RUNX2: variants seen among roughly 807,000 people sequenced by gnomAD.
RUNX2 encodes runt-related transcription factor 2.
Under a neutral mutation model 51.7 loss-of-function variants are expected in RUNX2, and 10 were observed. The observed-to-expected ratio is 0.19, with a 90% CI of 0.12 to 0.33. The LOEUF (loss-of-function observed/expected upper bound fraction) is 0.33. Ranked by LOEUF, RUNX2 falls within the 10% of genes least tolerant of loss-of-function variation. The pLI, the probability that RUNX2 is intolerant of heterozygous loss-of-function variation, is 1.00. For missense variants in RUNX2, 562 were observed against 691.3 expected (o/e 0.81, Z 2.10); for synonymous variants, 276 against 273.6 (o/e 1.01, Z -0.09).
At chr6:45,430,808 G>A (rs1329833056) in intron 3 of RUNX2, among the ~76,000 whole-genome samples, 8 of 152,184 alleles carry the variant, frequency 5.3e-5, no homozygotes, top group Non-Finnish European at 1.0e-4. Context: ...AGGGCATCTG[G>A]AAGCTGAATG....
intron 7 of RUNX2, chr6:45,513,561 G>A (rs1426815482): frequency 2.0e-5 from 3 of 152,186 alleles, no homozygotes; most frequent in Non-Finnish European, 4.4e-5. Context: ...CAACTTGGGA[G>A]GAGGGAAGGC....
intron 5 of RUNX2, among the ~76,000 whole-genome samples, chr6:45,466,663 AGTAG>A (rs1415307406): frequency 5.3e-5 from 8 of 152,250 alleles, no homozygotes; most frequent in Non-Finnish European, 1.0e-4. Context: ...GTAGGATTCC[AGTAG>A]GAGTACGTAA....
In RUNX2 at chr6:45,546,895, C is replaced by G; in HGVS notation, c.1156C>G (p.Arg386Gly). Residue 386 changes from arginine to glycine, a missense_variant, in exon 9 of 9, where the codon CGC becomes GGC. Transcript: ENST00000647337. ...AAGCATTTCATCCCTCACTGAGAGC[C>G]GCTTCTCCAACCCACGAATGCACTA... ...FPSISSLTESRFSNPRMHYPA... is the reference protein window; with the variant it reads ...FPSISSLTESGFSNPRMHYPA... 2 of 1,614,002 alleles carry G rather than the reference C, an allele frequency of 1.2e-6. No homozygotes were observed. The highest frequency in any genetic ancestry group is 1.7e-6 in the Non-Finnish European group (2 of 1,180,006).
intron 2 of RUNX2, among the ~76,000 whole-genome samples, chr6:45,383,795 G>T (rs528121345): frequency 0.02 from 3,061 of 152,254 alleles, 59 homozygotes; most frequent in South Asian, 0.086. Flanking sequence ...AGGACCAAAA[G>T]TTATTTGGTG....
chr6:45,532,960 C>T (rs1801909431), intron 7 of RUNX2, among the ~76,000 whole-genome samples: 1 of 148,068 alleles, frequency 6.8e-6, no homozygotes, highest in Admixed American at 6.8e-5. Flanking sequence ...CTCTCAGACA[C>T]CTTAATACAT....
At chr6:45,524,839 G>C (rs1387790942) in intron 7 of RUNX2, among the ~76,000 whole-genome samples, 1 of 152,178 alleles carries the variant, frequency 6.6e-6, no homozygotes, top group African/African-American at 2.4e-5. Flanking sequence ...GAGGCTGGGC[G>C]CGGTGGCTCA....
chr6:45,351,228 C>T (rs1482180854), intron 2 of RUNX2, among the ~76,000 whole-genome samples: 2 of 152,046 alleles, frequency 1.3e-5, no homozygotes, highest in Non-Finnish European at 2.9e-5. Context: ...TTAGTGAAAA[C>T]ACTTCAAGTA....
chr6:45,411,454 T>C (rs1797949479), intron 2 of RUNX2, among the ~76,000 whole-genome samples: 1 of 152,174 alleles, frequency 6.6e-6, no homozygotes, highest in South Asian at 2.1e-4. Flanking sequence ...GCCATATCTC[T>C]GCCTAGAGGG....
intron 2 of RUNX2, among the ~76,000 whole-genome samples, chr6:45,412,857 GC>G (rs1157536328): frequency 6.6e-6 from 1 of 152,152 alleles, no homozygotes; most frequent in African/African-American, 2.4e-5. Context: ...TGATTCTCCT[GC>G]CTCAGCCTCC....
intron 5 of RUNX2, among the ~76,000 whole-genome samples, chr6:45,468,677 G>A (rs1799711976): frequency 1.3e-5 from 2 of 152,178 alleles, no homozygotes; most frequent in Non-Finnish European, 2.9e-5. Context: ...TCTAGGCTCA[G>A]GTAATTATAA....
intron 7 of RUNX2, among the ~76,000 whole-genome samples, chr6:45,512,756 C>G (rs1222940055): frequency 2.0e-5 from 3 of 152,010 alleles, no homozygotes; most frequent in Non-Finnish European, 4.4e-5. Context: ...GTGTTCCTTT[C>G]TTTTCGTAAC....
Position 45,379,686 on chromosome 6 carries a change from G to A in RUNX2, c.59-42907G>A, listed in dbSNP as rs183932788. Among the ~76,000 whole-genome samples the A allele has an allele frequency of 2.1e-3, 324 of 152,202 alleles. 1 individual carries two copies. The highest frequency in any genetic ancestry group is 7.5e-3 in the African/African-American group (310 of 41,522). On this transcript the variant is annotated intron_variant, in intron 2 of 8. Transcript: ENST00000647337. ...TCGAAACCATCCTGGCCAACATGATGAAACCCCGTCTCTACTAAAAATACA... is the reference window on the plus strand; with the variant it reads ...TCGAAACCATCCTGGCCAACATGATAAAACCCCGTCTCTACTAAAAATACA...
chr6:45,392,760 T>C (rs981448605), intron 2 of RUNX2, among the ~76,000 whole-genome samples: 1 of 152,044 alleles, frequency 6.6e-6, no homozygotes, highest in Admixed American at 6.6e-5. Context: ...CTTCCTAGTC[T>C]AAGGTTTAGT....
At chr6:45,331,632 C>A (rs1200211755) in intron 2 of RUNX2, among the ~76,000 whole-genome samples, 2 of 151,788 alleles carry the variant, frequency 1.3e-5, no homozygotes, top group Non-Finnish European at 2.9e-5. Flanking sequence ...TTTTACATTA[C>A]AAACTGTTAA....
At chr6:45,539,679 T>A (rs1802156007) in intron 7 of RUNX2, among the ~76,000 whole-genome samples, 1 of 152,180 alleles carries the variant, frequency 6.6e-6, no homozygotes, top group Non-Finnish European at 1.5e-5. Context: ...TTGAATAATG[T>A]TTATCCATAG....
At chr6:45,356,138 A>G (rs1793121401) in intron 2 of RUNX2, among the ~76,000 whole-genome samples, 1 of 152,196 alleles carries the variant, frequency 6.6e-6, no homozygotes, top group Non-Finnish European at 1.5e-5. Context: ...GTCATAGGAA[A>G]AAAATGTTAT....
intron 2 of RUNX2, among the ~76,000 whole-genome samples, chr6:45,414,072 G>C (rs774965555): frequency 6.6e-6 from 1 of 152,188 alleles, no homozygotes; most frequent in African/African-American, 2.4e-5. Context: ...TCCCACACCT[G>C]CATAACTCTT....
intron 2 of RUNX2, among the ~76,000 whole-genome samples, chr6:45,393,119 G>A (rs1479039778): frequency 6.6e-6 from 1 of 151,896 alleles, no homozygotes; most frequent in East Asian, 1.9e-4. Context: ...TTCTCAATTA[G>A]AGTTCTTAGC....
At chr6:45,477,506 C>T (rs932476263) in intron 5 of RUNX2, among the ~76,000 whole-genome samples, 1 of 152,174 alleles carries the variant, frequency 6.6e-6, no homozygotes, top group Non-Finnish European at 1.5e-5. Flanking sequence ...ACATGAACCT[C>T]CTCCAGTTTT....
Sources: gnomAD v4.1 joint callset for allele counts (sites outside exome capture counted in the v4.1 genomes callset) on GRCh38, gnomAD v4.1.1 for gene constraint, MANE v1.5 for transcripts, NCBI Gene and HGNC (gene_info 2026-07-23, HGNC 2026-07-21) for gene names.